Variants in KCNMA1 observed in about 807,000 individuals in gnomAD.
KCNMA1 encodes the protein potassium calcium-activated channel subfamily M alpha 1, also known as Calcium-activated potassium channel subunit alpha-1.
A neutral mutation model predicts 140.0 loss-of-function variants in KCNMA1; 29 were observed. The observed-to-expected ratio is 0.21, with a 90% confidence interval of 0.15 to 0.28. The LOEUF is 0.28. Among genes scored for constraint, KCNMA1 ranks in the 10% least tolerant of loss-of-function variants. KCNMA1 has a pLI of 1.00. For synonymous variants in KCNMA1, 612 were observed against 611.9 expected, an observed-to-expected ratio of 1.00 and a Z score of 0.00; for missense variants, 880 against 1,602.2, an observed-to-expected ratio of 0.55 and a Z score of 7.70.
At chr10:76,877,096 G>T (rs188936080), downstream of KCNMA1, 7 of 152,818 alleles carry the variant, frequency 4.6e-5, no homozygotes, top group Admixed American at 3.9e-4. Flanking sequence ...GAGAACTACA[G>T]AATGAAAACT....
In KCNMA1 at chr10:77,424,458, C is replaced by T. The variant is rs2096932565; in HGVS notation, c.379-20435G>A. ...GGAGCTGGTGCTCTCACCACAGGGACTGCTATATACCCATAGTGGAAGCCT... is the reference window on the plus strand; with the variant it reads ...GGAGCTGGTGCTCTCACCACAGGGATTGCTATATACCCATAGTGGAAGCCT... On this transcript the variant is annotated intron_variant, in intron 1 of 27. Transcript: ENST00000286628. Among the ~76,000 whole-genome samples the T allele has an allele frequency of 2.6e-5, 4 of 152,144 alleles. No individual in the cohort carries two copies. In the South Asian group the frequency reaches 8.3e-4, roughly 32 times the overall value.
chr10:77,161,195 C>T (rs2098550532), intron 5 of KCNMA1, among the ~76,000 whole-genome samples: 1 of 152,112 alleles, frequency 6.6e-6, no homozygotes, highest in African/African-American at 2.4e-5. Context: ...TTCATTCAGG[C>T]CAAGGTGAGA....
chr10:77,467,475 G>A (rs534764731), intron 1 of KCNMA1, among the ~76,000 whole-genome samples: 1 of 152,328 alleles, frequency 6.6e-6, no homozygotes, highest in South Asian at 2.1e-4. Context: ...CAGGGTTCCA[G>A]ACATGGCAAT....
intron 14 of KCNMA1, among the ~76,000 whole-genome samples, chr10:77,069,026 CA>C (rs2096076072): frequency 1.3e-5 from 2 of 151,974 alleles, no homozygotes; most frequent in African/African-American, 4.8e-5. Flanking sequence ...TAGTAAGACT[CA>C]AAAACAAAAA....
At chr10:77,519,613 T>C (rs1055683135) in intron 1 of KCNMA1, among the ~76,000 whole-genome samples, 72 of 152,334 alleles carry the variant, frequency 4.7e-4, no homozygotes, top group African/African-American at 1.7e-3. Context: ...AGCTGGCTCC[T>C]GCTGCCATTC....
chr10:77,590,718 G>A (rs1300952071), intron 1 of KCNMA1, among the ~76,000 whole-genome samples: 1 of 152,242 alleles, frequency 6.6e-6, no homozygotes, highest in East Asian at 1.9e-4. Flanking sequence ...AGCGAGCGAG[G>A]GCTGTGAGGA....
intron 1 of KCNMA1, among the ~76,000 whole-genome samples, chr10:77,467,343 A>T (rs2098047166): frequency 6.6e-6 from 1 of 152,178 alleles, no homozygotes; most frequent in Non-Finnish European, 1.5e-5. Context: ...TTTTTTGATG[A>T]TGGAAAGTCC....
intron 1 of KCNMA1, among the ~76,000 whole-genome samples, chr10:77,448,958 A>T (rs573416296): frequency 6.6e-6 from 1 of 152,142 alleles, no homozygotes; most frequent in South Asian, 2.1e-4. Flanking sequence ...GTAGTGGTGC[A>T]TGCCTGTAAT....
At chr10:76,875,089 G>C (rs1451942442), downstream of KCNMA1, 1 of 152,216 alleles carries the variant, frequency 6.6e-6, no homozygotes, top group Non-Finnish European at 1.5e-5. Context: ...TCAACAAGTA[G>C]GAACAAGCCA....
intron 2 of KCNMA1, among the ~76,000 whole-genome samples, chr10:77,340,904 C>A (rs1250066058): frequency 6.6e-6 from 1 of 151,764 alleles, no homozygotes; most frequent in Non-Finnish European, 1.5e-5. Context: ...CAGGCATAAT[C>A]CTTACCCATC....
At chr10:77,229,548 A>T (rs1432017320) in intron 3 of KCNMA1, among the ~76,000 whole-genome samples, 1 of 152,168 alleles carries the variant, frequency 6.6e-6, no homozygotes, top group African/African-American at 2.4e-5. Flanking sequence ...TTGCTGTTGT[A>T]TGGATGGAGA....
chr10:77,524,346 A>G (rs542017367), intron 1 of KCNMA1, among the ~76,000 whole-genome samples: 1 of 152,190 alleles, frequency 6.6e-6, no homozygotes, highest in Admixed American at 6.5e-5. Flanking sequence ...GACACAGAAA[A>G]CTTTCCATCC....
intron 17 of KCNMA1, among the ~76,000 whole-genome samples, chr10:77,017,683 G>A (rs572766764): frequency 4.6e-5 from 7 of 152,232 alleles, no homozygotes; most frequent in South Asian, 4.1e-4. Context: ...AAGTATCCAC[G>A]GTCACATGTC....
At chr10:76,931,712 C>T (rs1358279220) in intron 23 of KCNMA1, among the ~76,000 whole-genome samples, 4 of 152,082 alleles carry the variant, frequency 2.6e-5, no homozygotes, top group African/African-American at 4.8e-5. Flanking sequence ...AGAGCAGCTG[C>T]GTTGCATGGC....
intron 5 of KCNMA1, among the ~76,000 whole-genome samples, chr10:77,131,964 CA>C (rs34972346): frequency 0.73 from 67,662 of 92,352 alleles, 22,627 homozygotes; most frequent in Middle Eastern, 0.81. Flanking sequence ...GACTCGGTCT[CA>C]AAAAAAAAAA....
chr10:77,486,706 G>A (rs943787183), intron 1 of KCNMA1, among the ~76,000 whole-genome samples: 1 of 152,226 alleles, frequency 6.6e-6, no homozygotes, highest in African/African-American at 2.4e-5. Context: ...GGATGAGAGG[G>A]TGTGTGGAGA....
chr10:77,578,095 C>T (rs1022556368), intron 1 of KCNMA1, among the ~76,000 whole-genome samples: 2 of 152,230 alleles, frequency 1.3e-5, no homozygotes, highest in Non-Finnish European at 2.9e-5. Context: ...CAACACACCA[C>T]TGGTGATACT....
chr10:77,306,672 T>C (rs1014717489), intron 2 of KCNMA1, among the ~76,000 whole-genome samples: 1 of 152,208 alleles, frequency 6.6e-6, no homozygotes, highest in Non-Finnish European at 1.5e-5. Context: ...GTTAGAAGAA[T>C]GGATTTGACA....
intron 2 of KCNMA1, among the ~76,000 whole-genome samples, chr10:77,313,552 G>T (rs889437574): frequency 1.3e-5 from 2 of 152,188 alleles, no homozygotes; most frequent in Admixed American, 1.3e-4. Flanking sequence ...ACAGCGAACA[G>T]GATGTGTCAT....
Sources: allele counts gnomAD v4.1 joint callset (sites outside exome capture counted in the v4.1 genomes callset), GRCh38; gene constraint gnomAD v4.1.1; transcripts MANE v1.5; gene names NCBI Gene and HGNC (gene_info 2026-07-23, HGNC 2026-07-21).